CADPS: variants seen among roughly 807,000 people sequenced by gnomAD.
The protein encoded by CADPS is calcium dependent secretion activator.
Under a neutral mutation model 167.3 loss-of-function variants are expected in CADPS, and 57 were observed. The ratio of observed to expected loss-of-function variants is 0.34; its 90% CI spans 0.28 to 0.42. The LOEUF (loss-of-function observed/expected upper bound fraction) is 0.42, where lower values mean the gene tolerates loss of function less well. Ranked by LOEUF, CADPS falls within the 20% of genes least tolerant of loss-of-function variation. The pLI is 1.00. For missense variants in CADPS, 1,414 were observed against 1,738.1 expected, an observed-to-expected ratio of 0.81 and a Z score of 3.32; for synonymous variants, 676 against 635.3, an observed-to-expected ratio of 1.06 and a Z score of -0.96.
intron 7 of CADPS, among the ~76,000 whole-genome samples, chr3:62,588,195 A>G (rs995469647): frequency 2.0e-5 from 3 of 151,886 alleles, no homozygotes; most frequent in East Asian, 1.9e-4. Flanking sequence ...CTTAGCCTAT[A>G]TCTCTTCAGT....
intron 1 of CADPS, among the ~76,000 whole-genome samples, chr3:62,852,205 T>G (rs1166276922): frequency 6.6e-6 from 1 of 151,260 alleles, no homozygotes; most frequent in African/African-American, 2.4e-5. Flanking sequence ...TTCAACTTCT[T>G]TGCCTTTGAT....
chr3:62,856,340 C>T (rs940216269), intron 1 of CADPS, among the ~76,000 whole-genome samples: 4 of 152,090 alleles, frequency 2.6e-5, no homozygotes, highest in African/African-American at 9.7e-5. Context: ...TGAGGCACAT[C>T]AAAACCTTTT....
intron 6 of CADPS, among the ~76,000 whole-genome samples, chr3:62,630,877 T>G (rs2065142083): frequency 6.6e-6 from 1 of 152,190 alleles, no homozygotes; most frequent in Non-Finnish European, 1.5e-5. Flanking sequence ...TCAGTCACCC[T>G]GACAACCAAG....
chr3:62,865,182 C>T (rs1307233480), intron 1 of CADPS, among the ~76,000 whole-genome samples: 1 of 152,050 alleles, frequency 6.6e-6, no homozygotes, highest in Non-Finnish European at 1.5e-5. Context: ...ACCATCCTCA[C>T]CAAAAAGCTG....
At chr3:62,786,806 A>G (rs1371739567) in intron 1 of CADPS, among the ~76,000 whole-genome samples, 1 of 151,658 alleles carries the variant, frequency 6.6e-6, no homozygotes. Context: ...AAGATGAAAC[A>G]TTTATTGAAT....
intron 2 of CADPS, among the ~76,000 whole-genome samples, chr3:62,759,394 T>C (rs1047884028): frequency 3.9e-5 from 6 of 152,170 alleles, no homozygotes; most frequent in African/African-American, 1.4e-4. Context: ...AAAAAAGATA[T>C]ATATTTTTTC....
intron 1 of CADPS, among the ~76,000 whole-genome samples, chr3:62,840,656 C>G (rs1275262137): frequency 1.3e-5 from 2 of 152,046 alleles, no homozygotes; most frequent in Non-Finnish European, 2.9e-5. Flanking sequence ...ACAATTTAGT[C>G]AAAAGCCTGA....
At chr3:62,573,861 C>T (rs931364236) in intron 8 of CADPS, among the ~76,000 whole-genome samples, 2 of 152,202 alleles carry the variant, frequency 1.3e-5, no homozygotes, top group African/African-American at 4.8e-5. Context: ...TTTCTAAATA[C>T]TTAGCATAGA....
At chr3:62,637,171 G>A (rs780739488) in intron 6 of CADPS, among the ~76,000 whole-genome samples, 3 of 152,078 alleles carry the variant, frequency 2.0e-5, no homozygotes, top group East Asian at 3.9e-4. Context: ...ACAACAACCC[G>A]ATGGGGCAGT....
rs17067193 is a variant in CADPS at position 62,793,129 on chromosome 3, A to G, written c.442-27145T>C. ...GTGTTTGGAAGTACTTTTCTTCACA[A>G]ATTAGTACTACCCCTACTTTGCTCA... On this transcript the variant is annotated intron_variant, in intron 1 of 29. Transcript: ENST00000383710. Among the ~76,000 whole-genome samples the G allele has an allele frequency of 3.5e-3, 528 of 152,268 alleles. 2 individuals carry two copies. The highest frequency in any genetic ancestry group is 0.012 in the African/African-American group (491 of 41,532).
intron 1 of CADPS, among the ~76,000 whole-genome samples, chr3:62,866,981 G>C (rs891968066): frequency 6.6e-6 from 1 of 151,858 alleles, no homozygotes; most frequent in African/African-American, 2.4e-5. Flanking sequence ...GTCTCTGTAC[G>C]CTATTGCATA....
chr3:62,704,822 T>C (rs997658932), intron 3 of CADPS, among the ~76,000 whole-genome samples: 5 of 152,124 alleles, frequency 3.3e-5, no homozygotes, highest in African/African-American at 4.8e-5. Context: ...TCGTAGGCAT[T>C]GTGTAGACTA....
intron 3 of CADPS, among the ~76,000 whole-genome samples, chr3:62,678,877 C>T (rs2076709782): frequency 6.6e-6 from 1 of 151,894 alleles, no homozygotes; most frequent in South Asian, 2.1e-4. Flanking sequence ...CCCTACTATC[C>T]CCAGTCATCA....
chr3:62,870,714 C>A (rs1045376365), intron 1 of CADPS, among the ~76,000 whole-genome samples: 12 of 152,130 alleles, frequency 7.9e-5, no homozygotes, highest in Non-Finnish European at 1.5e-5. Flanking sequence ...TCATTTTAAA[C>A]TATTAGAATA....
At chr3:62,444,642 T>C (rs1382727899) in intron 27 of CADPS, among the ~76,000 whole-genome samples, 2 of 152,228 alleles carry the variant, frequency 1.3e-5, no homozygotes, top group Non-Finnish European at 2.9e-5. Flanking sequence ...GGAAGTATCA[T>C]ATAAATTCAA....
intron 7 of CADPS, among the ~76,000 whole-genome samples, chr3:62,590,118 G>T (rs758886642): frequency 1.3e-5 from 2 of 151,750 alleles, no homozygotes; most frequent in Non-Finnish European, 2.9e-5. Flanking sequence ...GAACCTGGGA[G>T]GTGGAGGTTG....
intron 1 of CADPS, among the ~76,000 whole-genome samples, chr3:62,782,302 G>T (rs2091782450): frequency 6.6e-6 from 1 of 152,154 alleles, no homozygotes; most frequent in Non-Finnish European, 1.5e-5. Flanking sequence ...CAGCCAGCCA[G>T]CCAGCGAGCC....
chr3:62,635,688 A>G (rs1405550927), intron 6 of CADPS, among the ~76,000 whole-genome samples: 36 of 142,996 alleles, frequency 2.5e-4, no homozygotes, highest in Non-Finnish European at 7.6e-5. Flanking sequence ...TTTTGCAGCC[A>G]TCTTCTGTTC....
At chr3:62,790,096 G>T (rs1219037384) in intron 1 of CADPS, among the ~76,000 whole-genome samples, 1 of 151,982 alleles carries the variant, frequency 6.6e-6, no homozygotes, top group Non-Finnish European at 1.5e-5. Flanking sequence ...TGTGATTTTT[G>T]ATATTATCAT....
Sources: allele counts gnomAD v4.1 joint callset (sites outside exome capture counted in the v4.1 genomes callset), GRCh38; gene constraint gnomAD v4.1.1; transcripts MANE v1.5; gene names NCBI Gene and HGNC (gene_info 2026-07-23, HGNC 2026-07-21).